Variants in ZNF469 observed in about 807,000 individuals in gnomAD.
ZNF469 encodes zinc finger protein 469.
In ZNF469, 1 loss-of-function variant was observed where a neutral mutation model predicts 1.0. The observed-to-expected ratio is 1.00, with a 90% CI of 0.35 to 4.73. The LOEUF is 4.73. Among genes scored for constraint, ZNF469 ranks in the 30% most tolerant of loss-of-function variants. ZNF469 has a pLI of 0.16. For synonymous variants in ZNF469, 2,703 were observed against 2,363.4 expected (o/e 1.14, Z -4.17); for missense variants, 6,100 against 5,356.3 (o/e 1.14, Z -4.33).
rs927419218 is a variant in ZNF469, at chr16:88,439,323, T to C, written c.11853T>C (p.Ala3951=). Residue 3951 remains alanine (A), a synonymous_variant, in exon 3 of 3, where the codon GCT becomes GCC. Transcript: ENST00000565624. ...TCAAAATCCCTTTAAAGAAAGATGC[T>C]TCCGAGTAATTTCTAGGAGCAAGAG... is the stretch of plus-strand genomic sequence containing the variant. ...TGFKIPLKKD[A]SE The C allele has an allele frequency of 7.1e-6, 11 of 1,550,194 alleles. No individual in the cohort carries two copies. The African/African-American group carries it at 1.2e-4, about 17-fold the overall frequency.
chr16:88,186,207 G>A, the ZNF469 span, among the ~76,000 whole-genome samples: 1 of 152,234 alleles, frequency 6.6e-6, no homozygotes, highest in South Asian at 2.1e-4. Flanking sequence ...TCTTCCGGGA[G>A]GCCAAGTTTC....
chr16:88,433,167 C>T lies in ZNF469; in HGVS notation c.5697C>T (p.Ser1899=), dbSNP rs111986360. The T allele has an allele frequency of 3.6e-3, 5,498 of 1,542,416 alleles. 165 individuals carry two copies. The African/African-American group carries it at 0.063, about 18-fold the overall frequency. Residue 1899 remains serine, a synonymous_variant, in exon 3 of 3, where the codon AGC becomes AGT. Transcript: ENST00000565624. ...GGAGGTCCCAGGACCCAGCTTTGAG[C>T]CCCCCCATACGTCAGCTCCAGCTCC... is the stretch of plus-strand genomic sequence containing the variant. ...PSRRSQDPAL[S]PPIRQLQLPG...
chr16:88,436,640 A>G lies in ZNF469; in HGVS notation c.9170A>G (p.Asp3057Gly). The change falls in exon 3 of 3, where the codon GAC becomes GGC. Residue 3057 changes from aspartate to glycine, a missense_variant. By Grantham distance (94) the Asp-to-Gly change is moderately conservative (BLOSUM62 -1). Coordinates refer to ENST00000565624, the MANE Select transcript of ZNF469 (RefSeq NM_001367624.2). ...EVLSTKFEMQ[D>G]LCFLGPFEDP... ...CTCAGCACCAAGTTTGAGATGCAAG[A>G]CCTGTGCTTTCTGGGACCCTTTGAA... 1 of 1,550,112 alleles carries G rather than the reference A, an allele frequency of 6.5e-7. No individual in the cohort carries two copies. The highest frequency in any genetic ancestry group is 8.7e-7 in the Non-Finnish European group (1 of 1,146,910).
the ZNF469 span, among the ~76,000 whole-genome samples, chr16:88,322,115 C>T: frequency 6.6e-6 from 1 of 152,246 alleles, no homozygotes; most frequent in African/African-American, 2.4e-5. Flanking sequence ...ATCATGGAGC[C>T]ACGGCAGGAG....
the ZNF469 span, among the ~76,000 whole-genome samples, chr16:88,272,564 A>G: frequency 1.5e-5 from 2 of 134,092 alleles, no homozygotes; most frequent in African/African-American, 2.6e-5. Context: ...GTGTATGGAG[A>G]GATGAGTGGA....
At chr16:88,101,350 C>A in the ZNF469 span, among the ~76,000 whole-genome samples, 1 of 152,180 alleles carries the variant, frequency 6.6e-6, no homozygotes, top group South Asian at 2.1e-4. Flanking sequence ...TGGGAAGAGT[C>A]CGCCTGCATC....
At chr16:88,142,847 C>T in the ZNF469 span, among the ~76,000 whole-genome samples, 3 of 152,206 alleles carry the variant, frequency 2.0e-5, no homozygotes, top group Admixed American at 6.5e-5. Flanking sequence ...GGATGTGCAG[C>T]CTGGGGCCAG....
At chr16:88,239,935 G>A in the ZNF469 span, among the ~76,000 whole-genome samples, 1 of 147,096 alleles carries the variant, frequency 6.8e-6, no homozygotes, top group Non-Finnish European at 1.5e-5. Flanking sequence ...GCTTGAAATT[G>A]CCCAGCTAGG....
the ZNF469 span, among the ~76,000 whole-genome samples, chr16:88,208,674 G>C: frequency 1.3e-5 from 2 of 149,710 alleles, no homozygotes; most frequent in East Asian, 4.0e-4. Context: ...GAGGGAAGAA[G>C]GGAGGAGGGA....
the ZNF469 span, among the ~76,000 whole-genome samples, chr16:88,341,974 C>T: frequency 6.6e-6 from 1 of 152,080 alleles, no homozygotes; most frequent in East Asian, 1.9e-4. Flanking sequence ...CTTCGAGGTG[C>T]CCAGCTGGGG....
rs1906545161 is a variant in ZNF469 at position 88,436,005 on chromosome 16, T to C, written c.8535T>C (p.Ser2845=). Residue 2845 remains serine, a synonymous_variant, in exon 3 of 3, where the codon AGT becomes AGC. Coordinates refer to ENST00000565624, the MANE Select transcript of ZNF469 (RefSeq NM_001367624.2). The part of the protein sequence containing the change: ...EGPTPDASGS[S]AKDPPSLFDD... ...CCACTCCTGATGCCTCTGGCTCCAG[T>C]GCCAAGGATCCTCCAAGCTTGTTTG... 8 of 1,550,252 alleles carry C rather than the reference T, an allele frequency of 5.2e-6. No homozygotes were observed. Among genetic ancestry groups the C allele is most frequent in the Non-Finnish European group, 6.1e-6 (7 of 1,146,992 alleles).
At chr16:88,425,313 C>G (rs1331787792) in intron 2 of ZNF469, among the ~76,000 whole-genome samples, 5 of 152,204 alleles carry the variant, frequency 3.3e-5, no homozygotes, top group African/African-American at 1.2e-4. Flanking sequence ...CTGGAGGACT[C>G]TGGCCATGGG....
At chr16:88,247,115 ATGAG>A in the ZNF469 span, among the ~76,000 whole-genome samples, 2 of 149,306 alleles carry the variant, frequency 1.3e-5, no homozygotes, top group Non-Finnish European at 3.0e-5. Flanking sequence ...GAATGATTGA[ATGAG>A]TGAGTGAATG....
the ZNF469 span, among the ~76,000 whole-genome samples, chr16:88,150,075 A>G: frequency 5.0e-3 from 757 of 152,342 alleles, 5 homozygotes; most frequent in African/African-American, 0.016. Context: ...TGAGAGGCCG[A>G]GGCGGGTGGA....
the ZNF469 span, among the ~76,000 whole-genome samples, chr16:88,159,621 C>T: frequency 1.7e-4 from 26 of 152,350 alleles, no homozygotes; most frequent in Admixed American, 1.6e-3. Context: ...AAAACAACAG[C>T]TGAGCCTCCT....
chr16:88,181,261 G>A, the ZNF469 span, among the ~76,000 whole-genome samples: 7 of 152,170 alleles, frequency 4.6e-5, no homozygotes, highest in African/African-American at 9.6e-5. Flanking sequence ...CAGTAGAGAC[G>A]GGGTTTCACT....
the ZNF469 span, among the ~76,000 whole-genome samples, chr16:88,368,933 G>C: frequency 6.6e-6 from 1 of 152,144 alleles, no homozygotes; most frequent in Non-Finnish European, 1.5e-5. Context: ...ACAAAAATTA[G>C]CCATGTGTGC....
Position 88,434,742 on chromosome 16 carries a change from A to T in ZNF469, c.7272A>T (p.Gln2424His). The stretch of plus-strand genomic sequence containing the variant: ...GTGACTTCCAGTCTGACTCCCCCCA[A>T]AGCCACAGAAATGCCTCCCACCAGA... ...TASDFQSDSP[Q>H]SHRNASHQTP... Residue 2424 changes from glutamine to histidine, a missense_variant, in exon 3 of 3, where the codon CAA becomes CAT. Coordinates refer to ENST00000565624, the MANE Select transcript of ZNF469 (RefSeq NM_001367624.2). The T allele has an allele frequency of 6.5e-7, 1 of 1,550,248 alleles. No homozygotes were observed. The highest frequency in any genetic ancestry group is 2.4e-5 in the East Asian group (1 of 40,902).
At chr16:88,114,957 GTGGCCTCTCA>G in the ZNF469 span, among the ~76,000 whole-genome samples, 71,566 of 151,712 alleles carry the variant, frequency 0.47, 17,842 homozygotes, top group Middle Eastern at 0.59. Context: ...TTCTCTTGCT[GTGGCCTCTCA>G]TGGAGACGAT....
Sources: gnomAD v4.1 joint callset for allele counts (sites outside exome capture counted in the v4.1 genomes callset) on GRCh38, gnomAD v4.1.1 for gene constraint, MANE v1.5 for transcripts, NCBI Gene and HGNC (gene_info 2026-07-23, HGNC 2026-07-21) for gene names.